SLC5A4: variants seen among roughly 807,000 people sequenced by gnomAD.
The protein encoded by SLC5A4 is solute carrier family 5 member 4.
A neutral mutation model predicts 70.3 loss-of-function variants in SLC5A4; 55 were observed. The observed-to-expected ratio is 0.78, with a 90% CI of 0.63 to 0.98. The LOEUF (loss-of-function observed/expected upper bound fraction) is 0.98, where lower values mean the gene tolerates loss of function less well. Ranked by LOEUF, SLC5A4 falls within the 50% of genes least tolerant of loss-of-function variation. The probability of loss-of-function intolerance (pLI) is 0.00; values close to 1 mark genes in which losing one functional copy is unlikely to be tolerated. For synonymous variants in SLC5A4, 268 were observed against 305.7 expected, an observed-to-expected ratio of 0.88 and a Z score of 1.29; for missense variants, 735 against 839.2, an observed-to-expected ratio of 0.88 and a Z score of 1.53.
At chr22:32,259,972 C>A (rs1291282687), upstream of SLC5A4, among the ~76,000 whole-genome samples, 1 of 152,192 alleles carries the variant, frequency 6.6e-6, no homozygotes, top group Non-Finnish European at 1.5e-5. Flanking sequence ...CAGGGCGATG[C>A]CTGCCCCGAC....
chr22:32,352,407 TA>T, the SLC5A4 span, among the ~76,000 whole-genome samples: 16,262 of 137,668 alleles, frequency 0.12, 1,418 homozygotes, highest in African/African-American at 0.27. Context: ...CCCCAGAAAT[TA>T]AAAAAAAAAA....
At chr22:32,313,866 A>G in the SLC5A4 span, among the ~76,000 whole-genome samples, 4,421 of 152,310 alleles carry the variant, frequency 0.029, 70 homozygotes, top group African/African-American at 0.038. Context: ...AAGGATGCTC[A>G]CTAACACAGG....
At chr22:32,254,001 G>A (rs1454841220) in intron 2 of SLC5A4, 141 bp downstream of exon 2, 36 of 740,686 alleles carry the variant, frequency 4.9e-5, no homozygotes, top group Admixed American at 3.8e-4. Context: ...GGCTGGTCTC[G>A]AACTCCTGAC....
chr22:32,342,286 G>A, the SLC5A4 span, among the ~76,000 whole-genome samples: 2 of 152,098 alleles, frequency 1.3e-5, no homozygotes, highest in Non-Finnish European at 2.9e-5. Flanking sequence ...ATTAGACCTG[G>A]TAGAAACAAC....
At chr22:32,304,933 T>A in the SLC5A4 span, among the ~76,000 whole-genome samples, 1 of 152,094 alleles carries the variant, frequency 6.6e-6, no homozygotes, top group Admixed American at 6.5e-5. Context: ...GATTCGTATT[T>A]TTCCACGTGA....
the SLC5A4 span, among the ~76,000 whole-genome samples, chr22:32,311,769 GAGTGGATC>G: frequency 1.3e-5 from 2 of 152,206 alleles, no homozygotes; most frequent in African/African-American, 4.8e-5. Flanking sequence ...AGAATGTGCT[GAGTGGATC>G]AGCGCTCTCG....
chr22:32,254,352 G>T, intron 1 of SLC5A4, 139 bp from the exon 2 acceptor site: 1 of 647,302 alleles, frequency 1.5e-6, no homozygotes, highest in Non-Finnish European at 2.8e-6. Context: ...GTGTTCTATA[G>T]CATCAAATTT....
At chr22:32,218,797 G>T in intron 14 of SLC5A4, 72 bp from the exon 15 acceptor site, 1 of 1,133,698 alleles carries the variant, frequency 8.8e-7, no homozygotes, top group Non-Finnish European at 1.3e-6. Context: ...TGTCAGTGTA[G>T]TACCTATGAC....
chr22:32,257,118 G>T (rs558421041), upstream of SLC5A4, among the ~76,000 whole-genome samples: 4 of 152,160 alleles, frequency 2.6e-5, no homozygotes, highest in Non-Finnish European at 5.9e-5. Flanking sequence ...TATCAAGTGG[G>T]TATCACAATA....
intron 11 of SLC5A4, among the ~76,000 whole-genome samples, chr22:32,228,169 A>G (rs1304256850): frequency 6.6e-6 from 1 of 152,166 alleles, no homozygotes; most frequent in East Asian, 1.9e-4. Context: ...TTGGTGACAC[A>G]TCTCTGAGCT....
chr22:32,269,795 C>T, the SLC5A4 span: 1 of 689,104 alleles, frequency 1.5e-6, no homozygotes, highest in Non-Finnish European at 2.7e-6. This position sits in a 1 kb window ranked among gnomAD's most constrained non-coding sequence, Gnocchi z 4.1. Context: ...AGGCCACCTT[C>T]ATCTCCCATG....
At chr22:32,251,445 CT>C (rs1392585162) in intron 3 of SLC5A4, among the ~76,000 whole-genome samples, 4 of 151,766 alleles carry the variant, frequency 2.6e-5, no homozygotes, top group Non-Finnish European at 5.9e-5. Flanking sequence ...GAGTTTCACC[CT>C]CTCCTCCCCT....
the SLC5A4 span, among the ~76,000 whole-genome samples, chr22:32,318,709 G>A: frequency 6.6e-6 from 1 of 152,192 alleles, no homozygotes; most frequent in Non-Finnish European, 1.5e-5. Context: ...AGCAGCCAGA[G>A]AAGCCCTGTG....
chr22:32,338,003 AC>A, the SLC5A4 span, among the ~76,000 whole-genome samples: 1 of 151,900 alleles, frequency 6.6e-6, no homozygotes, highest in Non-Finnish European at 1.5e-5. Flanking sequence ...TACAGCTTGA[AC>A]TCTCTTGAGT....
At chr22:32,292,363 A>G in the SLC5A4 span, among the ~76,000 whole-genome samples, 3 of 145,464 alleles carry the variant, frequency 2.1e-5, no homozygotes, top group African/African-American at 7.6e-5. Flanking sequence ...TAATCTGTAC[A>G]CACATATTTT....
At chr22:32,281,058 TATTTATTCATTATCATATTCCGA>T in the SLC5A4 span, among the ~76,000 whole-genome samples, 2 of 152,118 alleles carry the variant, frequency 1.3e-5, no homozygotes, top group African/African-American at 4.8e-5. Context: ...GAAAGACCAA[TATTTATTCATTATCATATTCCGA>T]AATTAGACTG....
At chr22:32,343,653 T>G in the SLC5A4 span, among the ~76,000 whole-genome samples, 2 of 152,228 alleles carry the variant, frequency 1.3e-5, no homozygotes, top group Non-Finnish European at 2.9e-5. Flanking sequence ...CTAATCTTCA[T>G]GCATAGCTAC....
rs150781155 is a variant in SLC5A4, at chr22:32,247,073, A to G, written c.477+338T>C. On this transcript the variant is annotated intron_variant, in intron 5 of 14. Transcript: ENST00000266086. ...TATCTTGCAATGGAAAAGGCAGGCG[A>G]CCAAGTCCTTCTCTTTACTACTAAA... is the stretch of plus-strand genomic sequence containing the variant. Among the ~76,000 whole-genome samples, 608 of 152,340 alleles carry G rather than the reference A, an allele frequency of 4.0e-3. 7 individuals carry two copies. The highest frequency in any genetic ancestry group is 0.014 in the African/African-American group (591 of 41,578).
chr22:32,305,027 TTGAC>T, the SLC5A4 span, among the ~76,000 whole-genome samples: 1 of 152,240 alleles, frequency 6.6e-6, no homozygotes, highest in Non-Finnish European at 1.5e-5. Flanking sequence ...CAAAGATCAG[TTGAC>T]TATTTTATGT....
Sources: allele counts gnomAD v4.1 joint callset (sites outside exome capture counted in the v4.1 genomes callset), GRCh38; gene constraint gnomAD v4.1.1; non-coding constraint Gnocchi (gnomAD v3.1); transcripts MANE v1.5; gene names NCBI Gene and HGNC (gene_info 2026-07-23, HGNC 2026-07-21).